EBF1: variants seen among roughly 807,000 people sequenced by gnomAD.
EBF1 encodes the protein transcription factor COE1.
Under a neutral mutation model 68.4 loss-of-function variants are expected in EBF1, and 10 were observed. The observed-to-expected ratio is 0.15, with a 90% CI of 0.09 to 0.25. The LOEUF (loss-of-function observed/expected upper bound fraction) is 0.25. Among genes scored for constraint, EBF1 ranks in the 10% least tolerant of loss-of-function variants. The probability of loss-of-function intolerance (pLI) is 1.00; values close to 1 mark genes in which losing one functional copy is unlikely to be tolerated. For missense variants in EBF1, 509 were observed against 794.4 expected (o/e 0.64, Z 4.32); for synonymous variants, 298 against 299.8 (o/e 0.99, Z 0.06).
At chr5:159,001,541 C>G (rs942644837) in intron 6 of EBF1, among the ~76,000 whole-genome samples, 2 of 152,146 alleles carry the variant, frequency 1.3e-5, no homozygotes, top group Non-Finnish European at 2.9e-5. Context: ...GTAAAAGAAA[C>G]GATATTCCCC....
chr5:159,031,764 C>T (rs538254136), intron 6 of EBF1, among the ~76,000 whole-genome samples: 1 of 152,200 alleles, frequency 6.6e-6, no homozygotes, highest in Non-Finnish European at 1.5e-5. Context: ...CACAGCAGGG[C>T]TCTCGCTGCG....
chr5:159,099,637 G>C lies in EBF1; in HGVS notation c.-159C>G. On this transcript the variant is annotated 5_prime_UTR_variant, in exon 1 of 16. Transcript: ENST00000313708. ...ACTCGCACTTAGAAGATCAAGGCGG[G>C]CTGGAAAGCAAATTTTTAAAAAATG... 1.0e-6 allele frequency: 1 copy of C among 990,742 alleles called. No homozygotes were observed. Among genetic ancestry groups the C allele is most frequent in the African/African-American group, 1.7e-5 (1 of 58,314 alleles). 61.4% of individuals were successfully genotyped at this position (990,742 alleles called of 1,614,324 possible).
chr5:158,939,874 C>A (rs1051423488), intron 6 of EBF1, among the ~76,000 whole-genome samples: 1 of 152,096 alleles, frequency 6.6e-6, no homozygotes, highest in African/African-American at 2.4e-5. Flanking sequence ...CGCACAACTA[C>A]CAAGCTAACA....
chr5:158,722,358 TTC>T (rs1762098678), intron 11 of EBF1, among the ~76,000 whole-genome samples: 1 of 152,226 alleles, frequency 6.6e-6, no homozygotes, highest in African/African-American at 2.4e-5. Flanking sequence ...CTACTTCTGT[TTC>T]TCTTTGTCTT....
intron 6 of EBF1, among the ~76,000 whole-genome samples, chr5:158,952,407 C>T (rs764306517): frequency 2.0e-5 from 3 of 152,064 alleles, no homozygotes; most frequent in South Asian, 2.1e-4. Flanking sequence ...TACTTTACCT[C>T]GCATCTGAAA....
At chr5:159,074,137 C>T (rs1778308998) in intron 5 of EBF1, among the ~76,000 whole-genome samples, 1 of 152,118 alleles carries the variant, frequency 6.6e-6, no homozygotes. Flanking sequence ...TTTCTGGGGG[C>T]ATTATGGACA....
intron 11 of EBF1, among the ~76,000 whole-genome samples, chr5:158,725,850 G>C (rs143096813): frequency 6.6e-6 from 1 of 152,124 alleles, no homozygotes; most frequent in Non-Finnish European, 1.5e-5. Context: ...TTCTTAATCC[G>C]TTCCTTAATA....
At chr5:158,962,748 G>A (rs561285318) in intron 6 of EBF1, among the ~76,000 whole-genome samples, 106 of 152,260 alleles carry the variant, frequency 7.0e-4, no homozygotes, top group African/African-American at 2.5e-3. Flanking sequence ...TATAAATCTC[G>A]CCTGCGGGAC....
At chr5:158,978,007 G>T (rs539618679) in intron 6 of EBF1, among the ~76,000 whole-genome samples, 1 of 152,190 alleles carries the variant, frequency 6.6e-6, no homozygotes, top group Non-Finnish European at 1.5e-5. Context: ...ACACCCACAC[G>T]GTCTACCCGT....
intron 6 of EBF1, among the ~76,000 whole-genome samples, chr5:159,000,318 C>A (rs1423466248): frequency 6.6e-6 from 1 of 152,042 alleles, no homozygotes; most frequent in Non-Finnish European, 1.5e-5. Flanking sequence ...TCGTAGTATT[C>A]TTTGAGATAA....
intron 10 of EBF1, among the ~76,000 whole-genome samples, chr5:158,757,360 A>G (rs1285743648): frequency 6.6e-6 from 1 of 152,144 alleles, no homozygotes; most frequent in Non-Finnish European, 1.5e-5. Context: ...TCAGACTTTA[A>G]CTGTCTCTCA....
intron 10 of EBF1, among the ~76,000 whole-genome samples, chr5:158,749,164 G>T (rs913559948): frequency 1.3e-5 from 2 of 152,054 alleles, no homozygotes; most frequent in Non-Finnish European, 2.9e-5. Flanking sequence ...AAGTGACAAG[G>T]GTGCAAGAGT....
At chr5:159,024,464 A>C (rs1004131451) in intron 6 of EBF1, among the ~76,000 whole-genome samples, 5 of 152,180 alleles carry the variant, frequency 3.3e-5, no homozygotes, top group Non-Finnish European at 5.9e-5. Flanking sequence ...ACCAAACAAA[A>C]AAAATCAGTG....
At chr5:158,952,423 C>CT (rs1024725866) in intron 6 of EBF1, among the ~76,000 whole-genome samples, 19 of 151,410 alleles carry the variant, frequency 1.3e-4, no homozygotes, top group Admixed American at 4.6e-4. Context: ...TGAAAAAGGA[C>CT]TTTTTTTTTG....
intron 8 of EBF1, among the ~76,000 whole-genome samples, chr5:158,804,346 T>C (rs796390552): frequency 1.3e-5 from 2 of 152,212 alleles, no homozygotes; most frequent in African/African-American, 4.8e-5. Flanking sequence ...AATTATATTC[T>C]CTTCCTATTT....
At chr5:159,023,238 C>T (rs1480568055) in intron 6 of EBF1, among the ~76,000 whole-genome samples, 1 of 150,320 alleles carries the variant, frequency 6.7e-6, no homozygotes, top group African/African-American at 2.4e-5. Context: ...ATGCAAATGG[C>T]TTCAGAAAAA....
At chr5:158,737,938 G>A (rs1034509290) in intron 10 of EBF1, among the ~76,000 whole-genome samples, 1 of 152,032 alleles carries the variant, frequency 6.6e-6, no homozygotes, top group Non-Finnish European at 1.5e-5. Flanking sequence ...ATCAAGAAGA[G>A]GAACAAAGAA....
chr5:158,708,010 G>C lies in EBF1; in HGVS notation c.1713C>G (p.Thr571=), dbSNP rs769002699. ...VVRPQTSPPP[T]CTSTNGNSLQ... The stretch of plus-strand genomic sequence containing the variant: ...GGCTGTTCCCGTTGGTGCTGGTGCA[G>C]GTGGGAGGTGGGGAGGTCTGGGGTC... The change falls in exon 15 of 16, where the codon ACC becomes ACG. Residue 571 remains threonine (T), a synonymous_variant. Coordinates refer to ENST00000313708, the MANE Select transcript of EBF1 (RefSeq NM_024007.5). The C allele has an allele frequency of 1.3e-6, 2 of 1,550,662 alleles. No individual in the cohort carries two copies. The highest frequency in any genetic ancestry group is 1.2e-5 in the South Asian group (1 of 84,014).
At chr5:158,946,286 C>G (rs568601838) in intron 6 of EBF1, among the ~76,000 whole-genome samples, 27 of 152,292 alleles carry the variant, frequency 1.8e-4, no homozygotes, top group Non-Finnish European at 3.5e-4. Context: ...GCATTTTCAG[C>G]CTTTTTCACT....
Sources: gnomAD v4.1 joint callset for allele counts (sites outside exome capture counted in the v4.1 genomes callset) on GRCh38, gnomAD v4.1.1 for gene constraint, MANE v1.5 for transcripts, NCBI Gene and HGNC (gene_info 2026-07-23, HGNC 2026-07-21) for gene names.